RBFOX1: variants seen among roughly 807,000 people sequenced by gnomAD.
RBFOX1 encodes RNA binding protein fox-1 homolog 1.
RBFOX1 carries 8 observed loss-of-function variants against 57.7 expected under a neutral mutation model. The observed-to-expected ratio is 0.14, with a 90% CI of 0.08 to 0.25. The LOEUF (loss-of-function observed/expected upper bound fraction) is 0.25. RBFOX1 is among the 10% of genes least tolerant of loss of function. The pLI, the probability that RBFOX1 is intolerant of heterozygous loss-of-function variation, is 1.00. For missense variants in RBFOX1, 611 were observed against 548.5 expected, an observed-to-expected ratio of 1.11 and a Z score of -1.14; for synonymous variants, 326 against 222.4, an observed-to-expected ratio of 1.47 and a Z score of -4.15.
intron 5 of RBFOX1, among the ~76,000 whole-genome samples, chr16:7,523,910 T>G (rs1164943381): frequency 6.6e-6 from 1 of 152,164 alleles, no homozygotes; most frequent in Non-Finnish European, 1.5e-5. Flanking sequence ...GTGTACCTTG[T>G]CTTCACTCCA....
At chr16:6,013,689 A>G (rs527848342) in intron 4 of RBFOX1, among the ~76,000 whole-genome samples, 1 of 152,296 alleles carries the variant, frequency 6.6e-6, no homozygotes, top group South Asian at 2.1e-4. Flanking sequence ...CATCTATTTA[A>G]AAAGGAAATA....
At chr16:5,909,407 AAAAAT>A (rs1426154587) in intron 4 of RBFOX1, among the ~76,000 whole-genome samples, 23 of 152,150 alleles carry the variant, frequency 1.5e-4, no homozygotes, top group Non-Finnish European at 3.2e-4. Context: ...CCTTTCTAAA[AAAAAT>A]AAAATAAAAT....
intron 1 of RBFOX1, among the ~76,000 whole-genome samples, chr16:5,415,411 C>G (rs1347979864): frequency 6.6e-6 from 1 of 152,190 alleles, no homozygotes; most frequent in African/African-American, 2.4e-5. Flanking sequence ...CCTCCTCTGA[C>G]ACGTGAGGAT....
intron 4 of RBFOX1, among the ~76,000 whole-genome samples, chr16:7,374,583 A>C (rs1261223058): frequency 1.3e-5 from 2 of 152,112 alleles, no homozygotes; most frequent in Non-Finnish European, 2.9e-5. Context: ...TTTTAACCTG[A>C]CAGGAAGATT....
At chr16:6,534,821 T>C (rs2345024) in intron 2 of RBFOX1, among the ~76,000 whole-genome samples, 140,129 of 152,146 alleles carry the variant, frequency 0.92, 65,502 homozygotes, top group Non-Finnish European at 1. Context: ...CAAAACACCA[T>C]GGAACTGTAT....
At chr16:6,935,154 C>G (rs532947718) in intron 3 of RBFOX1, among the ~76,000 whole-genome samples, 2 of 152,044 alleles carry the variant, frequency 1.3e-5, no homozygotes, top group East Asian at 1.9e-4. Context: ...GAGCTATATG[C>G]CTATCTGGCC....
intron 4 of RBFOX1, among the ~76,000 whole-genome samples, chr16:7,192,876 A>C (rs1044866927): frequency 6.6e-6 from 1 of 152,242 alleles, no homozygotes; most frequent in Admixed American, 6.5e-5. Flanking sequence ...TCATGTGCTT[A>C]CAACATTGTT....
intron 9 of RBFOX1, among the ~76,000 whole-genome samples, chr16:7,597,978 T>C (rs1051322115): frequency 2.0e-4 from 30 of 152,320 alleles, no homozygotes; most frequent in African/African-American, 7.2e-4. Context: ...TAGTTGAGAA[T>C]GTTGCTTTGT....
chr16:7,546,263 G>T (rs1426039285), intron 5 of RBFOX1, among the ~76,000 whole-genome samples: 2 of 151,938 alleles, frequency 1.3e-5, no homozygotes, highest in Non-Finnish European at 2.9e-5. Flanking sequence ...GAGGGTGGAG[G>T]TTGCAGTGAG....
chr16:7,523,760 A>C (rs2078032889), intron 5 of RBFOX1, among the ~76,000 whole-genome samples: 1 of 152,166 alleles, frequency 6.6e-6, no homozygotes, highest in African/African-American at 2.4e-5. Flanking sequence ...TGTTACAAAC[A>C]ATTACATCTG....
chr16:5,406,536 T>A (rs894511169), intron 1 of RBFOX1, among the ~76,000 whole-genome samples: 1 of 152,104 alleles, frequency 6.6e-6, no homozygotes, highest in Non-Finnish European at 1.5e-5. Context: ...TCATACCTTA[T>A]AATAAATCTC....
chr16:6,409,608 C>G (rs2093394001), intron 2 of RBFOX1, among the ~76,000 whole-genome samples: 1 of 151,902 alleles, frequency 6.6e-6, no homozygotes, highest in African/African-American at 2.4e-5. Context: ...TTTAAAATAC[C>G]CTGTGAAACT....
intron 1 of RBFOX1, among the ~76,000 whole-genome samples, chr16:6,121,590 C>G (rs1017781933): frequency 6.6e-6 from 1 of 152,102 alleles, no homozygotes; most frequent in African/African-American, 2.4e-5. Flanking sequence ...CCTGCCTTGT[C>G]TAAGGGAGCA....
intron 3 of RBFOX1, among the ~76,000 whole-genome samples, chr16:7,044,463 G>A (rs1597889787): frequency 6.6e-6 from 1 of 152,302 alleles, no homozygotes; most frequent in Non-Finnish European, 1.5e-5. Flanking sequence ...ATGAAGATAG[G>A]AGACGGGGAA....
At chr16:7,131,998 CT>C (rs34879688) in intron 4 of RBFOX1, among the ~76,000 whole-genome samples, 78,138 of 123,648 alleles carry the variant, frequency 0.63, 24,580 homozygotes, top group South Asian at 0.71. Context: ...TTTTTTCTTT[CT>C]TTTTTTTTTT....
intron 4 of RBFOX1, among the ~76,000 whole-genome samples, chr16:5,987,931 A>G (rs916390643): frequency 6.6e-6 from 1 of 152,194 alleles, no homozygotes; most frequent in Admixed American, 6.5e-5. Flanking sequence ...AGATTTCTAG[A>G]TGCAGAGAGT....
intron 3 of RBFOX1, among the ~76,000 whole-genome samples, chr16:7,046,310 C>G (rs974156240): frequency 3.3e-5 from 5 of 151,538 alleles, no homozygotes; most frequent in African/African-American, 4.9e-5. Context: ...GGATGTTTCA[C>G]TTTTTTCGGT....
At chr16:5,251,025 G>A (rs1478779290) in intron 1 of RBFOX1, among the ~76,000 whole-genome samples, 2 of 152,140 alleles carry the variant, frequency 1.3e-5, no homozygotes, top group African/African-American at 2.4e-5. Context: ...ATGATGGCAC[G>A]ACCGCCCCTC....
chr16:6,773,673 GTA>G (rs75650052), intron 3 of RBFOX1: 89,708 of 127,098 alleles, frequency 0.71, 32,444 homozygotes, highest in East Asian at 0.91. Context: ...GTGTGTGTGT[GTA>G]TGTGTATGTG....
Sources: allele counts gnomAD v4.1 joint callset (sites outside exome capture counted in the v4.1 genomes callset), GRCh38; gene constraint gnomAD v4.1.1; transcripts MANE v1.5; gene names NCBI Gene and HGNC (gene_info 2026-07-23, HGNC 2026-07-21).